The following SPIN1 variants were observed in gnomAD, a reference collection of about 807,000 sequenced individuals.
SPIN1 encodes spindlin-1.
A neutral mutation model predicts 26.0 loss-of-function variants in SPIN1; 3 were observed. That is an observed-to-expected ratio of 0.12 (90% CI 0.05 to 0.30). The LOEUF (loss-of-function observed/expected upper bound fraction) is 0.30. SPIN1 is among the 10% of genes least tolerant of loss of function. The pLI is 1.00. For missense variants in SPIN1, 126 were observed against 333.4 expected (o/e 0.38, Z 4.84); for synonymous variants, 101 against 116.5 (o/e 0.87, Z 0.86).
At chr9:88,467,039 A>C (rs751587784) in intron 4 of SPIN1, among the ~76,000 whole-genome samples, 1 of 151,338 alleles carries the variant, frequency 6.6e-6, no homozygotes, top group Non-Finnish European at 1.5e-5. Flanking sequence ...GCTTGTCTCT[A>C]ATTGTTTGTT....
rs146185594 is a variant in SPIN1 at position 88,460,738 on chromosome 9, C to A, written c.102-1758C>A. ...TCCTCTACCTTTTGTTCTATTCAAG[C>A]CCTTGACAGAATGGATTATGGCCAC... On this transcript the variant is annotated intron_variant, in intron 3 of 5. Coordinates refer to ENST00000375859, the MANE Select transcript of SPIN1 (RefSeq NM_006717.3). Among the ~76,000 whole-genome samples the A allele has an allele frequency of 5.0e-4, 76 of 152,282 alleles. 1 individual carries two copies. The highest frequency in any genetic ancestry group is 1.8e-3 in the African/African-American group (74 of 41,570).
chr9:88,466,610 AG>A (rs1204870190), intron 4 of SPIN1, among the ~76,000 whole-genome samples: 1 of 152,236 alleles, frequency 6.6e-6, no homozygotes, highest in Non-Finnish European at 1.5e-5. Context: ...ATACATGTTT[AG>A]GGTTTGCTGA....
At chr9:88,442,856 G>A (rs778876247) in intron 2 of SPIN1, among the ~76,000 whole-genome samples, 50 of 150,910 alleles carry the variant, frequency 3.3e-4, no homozygotes, top group Non-Finnish European at 4.6e-4. Context: ...GTATGGTGGC[G>A]CACGCCTGTA....
intron 1 of SPIN1, among the ~76,000 whole-genome samples, chr9:88,405,321 C>T (rs938242805): frequency 1.5e-4 from 23 of 151,772 alleles, no homozygotes; most frequent in Non-Finnish European, 1.9e-4. Context: ...CTCCACCTCC[C>T]GGGTTCAAGC....
At chr9:88,455,698 C>T (rs899739071) in intron 3 of SPIN1, among the ~76,000 whole-genome samples, 1 of 152,066 alleles carries the variant, frequency 6.6e-6, no homozygotes, top group Admixed American at 6.6e-5. Context: ...GTTTTTAAGA[C>T]TGGGTACAGT....
At chr9:88,406,351 C>T (rs1221525996) in intron 1 of SPIN1, among the ~76,000 whole-genome samples, 2 of 150,240 alleles carry the variant, frequency 1.3e-5, no homozygotes, top group Admixed American at 6.7e-5. Flanking sequence ...GTTGCCGTGG[C>T]GCAGACTCGG....
chr9:88,411,950 T>A (rs1827456318), intron 1 of SPIN1, among the ~76,000 whole-genome samples: 1 of 150,790 alleles, frequency 6.6e-6, no homozygotes, highest in African/African-American at 2.4e-5. Context: ...GACGGGCAGA[T>A]CACGAGGTCA....
intron 4 of SPIN1, among the ~76,000 whole-genome samples, chr9:88,463,470 T>A (rs1828609261): frequency 6.6e-6 from 1 of 152,266 alleles, no homozygotes; most frequent in East Asian, 1.9e-4. Flanking sequence ...ATTGTCTTTA[T>A]AAGTCTATAC....
At position 88,475,334 on chromosome 9, in the gene SPIN1, A is replaced by T; in HGVS notation, c.*57A>T. 6.4e-7 allele frequency: 1 copy of T among 1,550,540 alleles called. No homozygotes were observed. ...ACTATGAAATGTATTATTTGTAGAC[A>T]TAAAGACTTGATTGCTTTCCAGTTT... is the stretch of plus-strand genomic sequence containing the variant. On this transcript the variant is annotated 3_prime_UTR_variant, in exon 6 of 6. Coordinates refer to ENST00000375859, the MANE Select transcript of SPIN1 (RefSeq NM_006717.3).
chr9:88,444,985 G>A (rs906582985), intron 2 of SPIN1, among the ~76,000 whole-genome samples: 5 of 152,196 alleles, frequency 3.3e-5, no homozygotes, highest in Admixed American at 2.0e-4. Context: ...TGAGCCACGC[G>A]CCCAGCCCCT....
At chr9:88,460,060 G>A (rs976249192) in intron 3 of SPIN1, among the ~76,000 whole-genome samples, 1 of 152,094 alleles carries the variant, frequency 6.6e-6, no homozygotes, top group African/African-American at 2.4e-5. Context: ...ATGCCTTAGC[G>A]CCAGTCATTC....
At chr9:88,394,961 C>G (rs905730321) in intron 1 of SPIN1, among the ~76,000 whole-genome samples, 1 of 151,916 alleles carries the variant, frequency 6.6e-6, no homozygotes, top group Admixed American at 6.6e-5. Context: ...AGGTGCCCGC[C>G]ACCACGCCCG....
rs563771636 is a variant in SPIN1 at position 88,432,337 on chromosome 9, C to T, written c.52+5746C>T. Among the ~76,000 whole-genome samples, 518 of 151,902 alleles carry T rather than the reference C, an allele frequency of 3.4e-3. 3 individuals carry two copies. The highest frequency in any genetic ancestry group is 6.6e-3 in the Non-Finnish European group (450 of 67,970). On this transcript the variant is annotated intron_variant, in intron 2 of 5. Coordinates refer to ENST00000375859, the MANE Select transcript of SPIN1 (RefSeq NM_006717.3). ...CCCAAGTAGTGGAATTACAGGCATG[C>T]GCTACTGCCCTGGCTAATTTTTGTA...
At chr9:88,404,474 T>C (rs767063549) in intron 1 of SPIN1, among the ~76,000 whole-genome samples, 7 of 152,222 alleles carry the variant, frequency 4.6e-5, no homozygotes, top group Non-Finnish European at 8.8e-5. Flanking sequence ...TCATAATTTT[T>C]AAATTTCTTG....
intron 2 of SPIN1, among the ~76,000 whole-genome samples, chr9:88,447,911 G>C (rs1828283296): frequency 6.6e-6 from 1 of 152,150 alleles, no homozygotes. Flanking sequence ...CCACACACCT[G>C]TGCTGCCTAT....
intron 3 of SPIN1, among the ~76,000 whole-genome samples, chr9:88,449,548 G>A (rs1462076068): frequency 6.6e-6 from 1 of 152,130 alleles, no homozygotes; most frequent in Non-Finnish European, 1.5e-5. Flanking sequence ...CCTAAATTCT[G>A]TAGATACCAG....
intron 1 of SPIN1, among the ~76,000 whole-genome samples, chr9:88,420,414 C>A (rs1467882844): frequency 6.6e-6 from 1 of 152,146 alleles, no homozygotes; most frequent in Non-Finnish European, 1.5e-5. Context: ...GAGTTTTACT[C>A]AAGTGCAAAA....
chr9:88,393,148 T>TTTC (rs1034609859), intron 1 of SPIN1, among the ~76,000 whole-genome samples: 5 of 149,326 alleles, frequency 3.3e-5, no homozygotes, highest in African/African-American at 5.0e-5. Context: ...TTTTTTTTTT[T>TTTC]CCTGAAGGGA....
At chr9:88,417,197 G>A (rs529996944) in intron 1 of SPIN1, among the ~76,000 whole-genome samples, 37 of 151,818 alleles carry the variant, frequency 2.4e-4, no homozygotes, top group African/African-American at 7.7e-4. Flanking sequence ...TGTTTTTTTC[G>A]TATAAATGTC....
Sources: gnomAD v4.1 joint callset for allele counts (sites outside exome capture counted in the v4.1 genomes callset) on GRCh38, gnomAD v4.1.1 for gene constraint, MANE v1.5 for transcripts, NCBI Gene and HGNC (gene_info 2026-07-23, HGNC 2026-07-21) for gene names.